Variants in CCDC154 observed in about 807,000 individuals in gnomAD.
CCDC154 encodes coiled-coil domain containing 154.
Under a neutral mutation model 87.5 loss-of-function variants are expected in CCDC154, and 91 were observed. The observed-to-expected ratio is 1.04, with a 90% CI of 0.88 to 1.24. CCDC154 has a LOEUF of 1.24. Ranked by LOEUF, CCDC154 falls within the 50% of genes most tolerant of loss-of-function variation. The pLI is 0.00. For missense variants in CCDC154, 903 were observed against 879.2 expected (o/e 1.03, Z -0.34); for synonymous variants, 418 against 400.4 (o/e 1.04, Z -0.52).
At chr16:1,436,867 G>A (rs1356902433) in intron 11 of CCDC154, 56 bp from the exon 12 acceptor site, 6 of 1,544,006 alleles carry the variant, frequency 3.9e-6, no homozygotes, top group Non-Finnish European at 5.3e-6. Context: ...ACAGACAGAT[G>A]GAAAGACGGA....
chr16:1,435,093 C>T lies in CCDC154; in HGVS notation c.1688G>A (p.Arg563Gln), dbSNP rs576984321. The T allele has an allele frequency of 4.7e-5, 73 of 1,549,284 alleles. No individual in the cohort carries two copies. Among genetic ancestry groups the T allele is most frequent in the Non-Finnish European group, 5.8e-5 (67 of 1,146,654 alleles). ...IQNLRFNTEARLRTQEMATLW... is the reference protein window; with the variant it reads ...IQNLRFNTEAQLRTQEMATLW... ...GGCCGGGCAAGGCCTCCTCACCAGC[C>T]GGGCCTCAGTGTTGAACCTGAGGTT... The change falls in exon 15 of 17, where the codon CGG becomes CAG. Residue 563 changes from arginine to glutamine, a missense_variant. Transcript: ENST00000389176.
At position 1,443,263 on chromosome 16, in the gene CCDC154, T is replaced by C; in HGVS notation, c.453A>G (p.Lys151=). 3 of 1,548,884 alleles carry C rather than the reference T, an allele frequency of 1.9e-6. No individual in the cohort carries two copies. The South Asian group carries it at 3.6e-5, about 18-fold the overall frequency. Residue 151 remains lysine (K), a splice_region_variant and synonymous_variant, in exon 4 of 17, where the codon AAA becomes AAG. Coordinates refer to ENST00000389176, the MANE Select transcript of CCDC154 (RefSeq NM_001143980.3). ...GLQNQMQALD[K]RLVEVREALT... is the part of the protein sequence containing the mutation. The stretch of plus-strand genomic sequence containing the variant: ...GCCCCTAGGTGTGTGGGGGGTACCT[T>C]TTGTCCAGGGCCTGCATCTGGTTCT...
intron 4 of CCDC154, 59 bp from the exon 5 acceptor site, chr16:1,443,034 T>C: frequency 6.5e-7 from 1 of 1,536,138 alleles, no homozygotes; most frequent in Non-Finnish European, 8.8e-7. Flanking sequence ...CTCGGCGGGC[T>C]GGGGGTCTGG....
At chr16:1,444,097 G>T in intron 1 of CCDC154, 85 bp from the exon 2 acceptor site, 2 of 1,130,910 alleles carry the variant, frequency 1.8e-6, no homozygotes, top group South Asian at 2.7e-5. Flanking sequence ...ACCCCCGCAG[G>T]ACCCTCGCCC....
rs983724149 is a variant in CCDC154 at position 1,439,055 on chromosome 16, G to A, written c.747C>T (p.Phe249=). 7 of 1,550,144 alleles carry A rather than the reference G, an allele frequency of 4.5e-6. No individual in the cohort carries two copies. The African/African-American group carries it at 8.2e-5, about 18-fold the overall frequency. ...CCAGGGCCAGGAAGCTCTTCTGCAG[G>A]AAGCCGCACAGCTTGGCCTCCCTCT... ...FLKREAKLCG[F]LQKSFLALEK... The change falls in exon 7 of 17, where the codon TTC becomes TTT. Residue 249 remains phenylalanine, a synonymous_variant. Coordinates refer to ENST00000389176, the MANE Select transcript of CCDC154 (RefSeq NM_001143980.3).
intron 12 of CCDC154, 82 bp from the exon 13 acceptor site, chr16:1,436,603 G>C: frequency 6.5e-7 from 1 of 1,545,610 alleles, no homozygotes; most frequent in Admixed American, 2.0e-5. Context: ...CAGGGAGAGG[G>C]AGGAGGGGAG....
chr16:1,443,107 G>T, intron 4 of CCDC154, 132 bp from the exon 5 acceptor site: 1 of 1,361,230 alleles, frequency 7.3e-7, no homozygotes, highest in Non-Finnish European at 1.0e-6. Flanking sequence ...GCCCAGGCAC[G>T]TACAAACCCG....
chr16:1,441,855 T>C (rs574036471), intron 6 of CCDC154, among the ~76,000 whole-genome samples: 6 of 152,258 alleles, frequency 3.9e-5, no homozygotes, highest in African/African-American at 1.4e-4. Flanking sequence ...TCCTCCCGCC[T>C]CGGCCTCCCA....
At chr16:1,434,646 C>T (rs1469550005) in intron 16 of CCDC154, 22 bp downstream of exon 16, 98 of 1,542,210 alleles carry the variant, frequency 6.4e-5, no homozygotes, top group Middle Eastern at 1.9e-4. Flanking sequence ...CAGGAGGCCG[C>T]GCCGGGATCC....
chr16:1,436,822 G>A lies in CCDC154; in HGVS notation c.1291-11C>T. Reference sequence around the variant, plus strand: ...CCATTCGGTCTTTGCCTGGGGTACAGATGCCCAGTGAGGGACAAAGCCAAG... The same window carrying A: ...CCATTCGGTCTTTGCCTGGGGTACAAATGCCCAGTGAGGGACAAAGCCAAG... On this transcript the variant is annotated splice_polypyrimidine_tract_variant and intron_variant, in intron 11 of 16. Coordinates refer to ENST00000389176, the MANE Select transcript of CCDC154 (RefSeq NM_001143980.3). 4 of 1,550,394 alleles carry A rather than the reference G, an allele frequency of 2.6e-6. No homozygotes were observed. The highest frequency in any genetic ancestry group is 2.6e-6 in the Non-Finnish European group (3 of 1,146,852).
At chr16:1,434,991 G>A in intron 15 of CCDC154, 98 bp downstream of exon 15, 2 of 1,434,422 alleles carry the variant, frequency 1.4e-6, no homozygotes, top group Non-Finnish European at 1.9e-6. Context: ...CACTTGGACA[G>A]ACAGACACTG....
chr16:1,442,522 T>A lies in CCDC154; in HGVS notation c.559A>T (p.Lys187Ter), dbSNP rs1161830255. 1 of 1,544,654 alleles carries A rather than the reference T, an allele frequency of 6.5e-7. No individual in the cohort carries two copies. Among genetic ancestry groups the A allele is most frequent in the Non-Finnish European group, 8.7e-7 (1 of 1,144,162 alleles). ...AEQEAGLRLA[K>*]LTDLLQQEEQ... ...TCCTGCTGCAGCAAGTCGGTCAGCTTGGCCAGTCTAGAGAAGTCGGCTGTG... is the reference window on the plus strand; with the variant it reads ...TCCTGCTGCAGCAAGTCGGTCAGCTAGGCCAGTCTAGAGAAGTCGGCTGTG... Residue 187 changes from lysine (K) to a stop codon, truncating the protein, a stop_gained, in exon 6 of 17, where the codon AAG (lysine) becomes TAG (stop). Coordinates refer to ENST00000389176, the MANE Select transcript of CCDC154 (RefSeq NM_001143980.3). LOFTEE classifies it high-confidence loss of function.
chr16:1,440,817 G>T (rs910384036), intron 6 of CCDC154, among the ~76,000 whole-genome samples: 1 of 151,936 alleles, frequency 6.6e-6, no homozygotes, highest in African/African-American at 2.4e-5. Flanking sequence ...CGGGCGTGGT[G>T]GTGGGCGCCT....
At chr16:1,439,385 C>G in intron 6 of CCDC154, 1 of 512,400 alleles carries the variant, frequency 2.0e-6, no homozygotes. Context: ...CACTTGGCAC[C>G]CACCACCGAG....
intron 9 of CCDC154, 121 bp downstream of exon 9, chr16:1,438,498 C>T (rs959027062): frequency 9.4e-6 from 9 of 962,556 alleles, no homozygotes; most frequent in Admixed American, 2.2e-5. Context: ...CCCTCGGGGT[C>T]GAGCACTCTG....
intron 14 of CCDC154, 153 bp from the exon 15 acceptor site, chr16:1,435,328 G>C (rs892823336): frequency 1.5e-6 from 1 of 683,470 alleles, no homozygotes; most frequent in Non-Finnish European, 2.5e-6. Context: ...CAGGGCCCAG[G>C]ACAAGCTCCG....
chr16:1,438,577 G>A (rs758008469), intron 9 of CCDC154, 42 bp downstream of exon 9: 2 of 1,514,180 alleles, frequency 1.3e-6, no homozygotes, highest in Non-Finnish European at 1.8e-6. Flanking sequence ...GGACATCAGG[G>A]GTCCCCCCGC....
In CCDC154 at chr16:1,437,833, C is replaced by T. The variant is rs906310100; in HGVS notation, c.1274G>A (p.Gly425Asp). 3 of 1,536,550 alleles carry T rather than the reference C, an allele frequency of 2.0e-6. No individual in the cohort carries two copies. Among genetic ancestry groups the T allele is most frequent in the Non-Finnish European group, 2.6e-6 (3 of 1,144,726 alleles). Reference sequence around the variant, plus strand: ...CTGGCGCACCTCGGACAGCCTGAGGCCCAGCATCTGCTCCTGCAGATCGAG... The same window carrying T: ...CTGGCGCACCTCGGACAGCCTGAGGTCCAGCATCTGCTCCTGCAGATCGAG... The part of the protein sequence containing the change: ...SRLDLQEQML[G>D]LRLSEAKTEW... The change falls in exon 11 of 17, where the codon GGC becomes GAC. Residue 425 changes from glycine (G) to aspartate (D), a missense_variant. Coordinates refer to ENST00000389176, the MANE Select transcript of CCDC154 (RefSeq NM_001143980.3).
chr16:1,436,513 ACTCT>A lies in CCDC154; in HGVS notation c.1415_1418del (p.Glu472ValfsTer45), dbSNP rs773221815. 3.9e-5 allele frequency: 60 copies of A among 1,548,880 alleles called. No homozygotes were observed. In the African/African-American group the frequency reaches 6.6e-4, roughly 17 times the overall value. On this transcript the variant is annotated frameshift_variant, in exon 13 of 17. Transcript: ENST00000389176. LOFTEE classifies it high-confidence loss of function. ...TATGAAGCAGGCACTTGTCGGAGAC[ACTCT>A]CTATCTGAACACAGAGCCGGGAGCG...
Sources: allele counts gnomAD v4.1 joint callset (sites outside exome capture counted in the v4.1 genomes callset), GRCh38; gene constraint gnomAD v4.1.1; transcripts MANE v1.5; gene names NCBI Gene and HGNC (gene_info 2026-07-23, HGNC 2026-07-21).